Variants in SIK3 observed in about 807,000 individuals in gnomAD.
The protein encoded by SIK3 is serine/threonine-protein kinase SIK3.
SIK3 carries 28 observed loss-of-function variants against 144.2 expected under a neutral mutation model. The observed-to-expected ratio is 0.19, with a 90% CI of 0.14 to 0.27. The LOEUF (loss-of-function observed/expected upper bound fraction) is 0.27, where lower values mean the gene tolerates loss of function less well. Ranked by LOEUF, SIK3 falls within the 10% of genes least tolerant of loss-of-function variation. SIK3 has a pLI of 1.00. For synonymous variants in SIK3, 686 were observed against 676.3 expected, an observed-to-expected ratio of 1.01 and a Z score of -0.22; for missense variants, 1,319 against 1,776.0, an observed-to-expected ratio of 0.74 and a Z score of 4.62.
intron 4 of SIK3, among the ~76,000 whole-genome samples, chr11:116,906,273 G>C (rs1014221373): frequency 6.6e-6 from 1 of 152,166 alleles, no homozygotes; most frequent in Non-Finnish European, 1.5e-5. Context: ...GAAAAAGAAG[G>C]AGAAGTAGAG....
At chr11:117,093,913 C>A (rs1955358503) in intron 1 of SIK3, among the ~76,000 whole-genome samples, 1 of 151,968 alleles carries the variant, frequency 6.6e-6, no homozygotes, top group South Asian at 2.1e-4. Context: ...AAAAGGAGGA[C>A]TATTATTATG....
rs78587574 is a variant in SIK3 at position 116,887,961 on chromosome 11, C to G, written c.865+8292G>C. Among the ~76,000 whole-genome samples, 517 of 152,268 alleles carry G rather than the reference C, an allele frequency of 3.4e-3. 2 individuals carry two copies. Among genetic ancestry groups the G allele is most frequent in the Non-Finnish European group, 4.7e-3 (319 of 68,022 alleles). On this transcript the variant is annotated intron_variant, in intron 6 of 24. Transcript: ENST00000445177. ...GGAAACTTGTGTCAAACAAACAACACCAGGCATAGAAATATACATGAATTG... is the reference window on the plus strand; with the variant it reads ...GGAAACTTGTGTCAAACAAACAACAGCAGGCATAGAAATATACATGAATTG...
chr11:116,928,210 C>G (rs1187611620), intron 3 of SIK3, among the ~76,000 whole-genome samples: 1 of 152,200 alleles, frequency 6.6e-6, no homozygotes, highest in Non-Finnish European at 1.5e-5. Context: ...TCTTTAAGAA[C>G]TTTCTAATAA....
intron 1 of SIK3, among the ~76,000 whole-genome samples, chr11:117,013,488 T>TA (rs1020339726): frequency 5.9e-5 from 9 of 152,048 alleles, no homozygotes; most frequent in Admixed American, 4.6e-4. Context: ...CAAAAAAACA[T>TA]AAAAAAACTT....
At chr11:116,957,604 T>G (rs682048) in intron 1 of SIK3, among the ~76,000 whole-genome samples, 57,406 of 151,884 alleles carry the variant, frequency 0.38, 13,384 homozygotes, top group African/African-American at 0.67. Flanking sequence ...AGTAGCAGCA[T>G]CTACCATATA....
intron 21 of SIK3, among the ~76,000 whole-genome samples, chr11:116,855,910 G>A (rs901834301): frequency 2.0e-5 from 3 of 152,204 alleles, no homozygotes; most frequent in Non-Finnish European, 4.4e-5. Context: ...TGGCACATGT[G>A]AGCTCAGCCG....
At chr11:117,070,977 C>A (rs1954251537) in intron 1 of SIK3, among the ~76,000 whole-genome samples, 1 of 152,018 alleles carries the variant, frequency 6.6e-6, no homozygotes, top group Admixed American at 6.6e-5. Flanking sequence ...GATCCACCCA[C>A]GTCGGCCTCC....
intron 4 of SIK3, among the ~76,000 whole-genome samples, chr11:116,926,841 C>T (rs1349190353): frequency 1.3e-5 from 2 of 151,990 alleles, no homozygotes; most frequent in Non-Finnish European, 2.9e-5. Flanking sequence ...CCCAACATGG[C>T]AAAACCCCAA....
intron 6 of SIK3, among the ~76,000 whole-genome samples, chr11:116,884,411 G>A (rs143782638): frequency 1.3e-4 from 19 of 149,154 alleles, no homozygotes; most frequent in Non-Finnish European, 2.2e-4. Context: ...GTAGCAGTGC[G>A]ATCTCGGCTC....
intron 1 of SIK3, among the ~76,000 whole-genome samples, chr11:117,002,717 T>C (rs1051230818): frequency 1.3e-5 from 2 of 152,224 alleles, no homozygotes. Flanking sequence ...GAATTTTTAA[T>C]ATAATAAAAT....
intron 6 of SIK3, among the ~76,000 whole-genome samples, chr11:116,894,157 C>T (rs1208571505): frequency 2.0e-5 from 3 of 152,148 alleles, no homozygotes; most frequent in Non-Finnish European, 2.9e-5. Flanking sequence ...GGACAGCAGG[C>T]CCTCTGGCTT....
chr11:116,923,646 G>A (rs978166513), intron 4 of SIK3, among the ~76,000 whole-genome samples: 4 of 152,204 alleles, frequency 2.6e-5, no homozygotes, highest in African/African-American at 4.8e-5. Context: ...GTAGCAGGCC[G>A]CAAAACTAGA....
At chr11:116,995,866 C>A (rs943044722) in intron 1 of SIK3, among the ~76,000 whole-genome samples, 2 of 152,114 alleles carry the variant, frequency 1.3e-5, no homozygotes, top group Non-Finnish European at 2.9e-5. Flanking sequence ...AAATAAGGAA[C>A]AAGTCAGGTG....
In SIK3 at chr11:116,846,927, C is replaced by T. The variant is rs575350013; in HGVS notation, c.3953-374G>A. Among the ~76,000 whole-genome samples, 4 of 152,204 alleles carry T rather than the reference C, an allele frequency of 2.6e-5. No homozygotes were observed. The highest frequency in any genetic ancestry group is 5.9e-5 in the Non-Finnish European group (4 of 68,026). On this transcript the variant is annotated intron_variant, in intron 23 of 24. Coordinates refer to ENST00000445177, the MANE Select transcript of SIK3 (RefSeq NM_001366686.3). The surrounding 1 kb of genome is among the most constrained non-coding windows in gnomAD (Gnocchi z 4.1). ...CCCATTCCTGGGCACTGTCTGTCTT[C>T]CAGACACTGTGCTAAGCACTTGATA... is the stretch of plus-strand genomic sequence containing the variant.
chr11:116,998,601 G>A (rs1228040947), intron 1 of SIK3, among the ~76,000 whole-genome samples: 1 of 152,036 alleles, frequency 6.6e-6, no homozygotes, highest in Non-Finnish European at 1.5e-5. Context: ...TATCATGAGA[G>A]TCAGGGACTT....
At chr11:117,020,985 G>A (rs915567234) in intron 1 of SIK3, among the ~76,000 whole-genome samples, 4 of 152,204 alleles carry the variant, frequency 2.6e-5, no homozygotes, top group Non-Finnish European at 4.4e-5. Flanking sequence ...GTGGGACTGA[G>A]CCCTCAATCT....
chr11:116,844,584 A>ATATATATATATTTTATATATATAT lies in SIK3; in HGVS notation c.*1035_*1058dup, dbSNP rs1454921703. The ATATATATATATTTTATATATATAT allele has an allele frequency of 6.6e-5, 8 of 120,474 alleles. No homozygotes were observed. The East Asian group carries it at 1.4e-3, about 22-fold the overall frequency. The allele number at this position is 120,474 out of a possible 1,614,324, so 7.5% of individuals were successfully genotyped here. A position where few individuals can be genotyped will look rare whatever the true frequency, so the allele number is the denominator to read the frequency against. On this transcript the variant is annotated 3_prime_UTR_variant, in exon 25 of 25. Coordinates refer to ENST00000445177, the MANE Select transcript of SIK3 (RefSeq NM_001366686.3). Reference sequence around the variant, plus strand: ...CAAAGAGGCTGAAAGAGGAGAGCATATATATATATATTTTATATATATATT... The same window carrying ATATATATATATTTTATATATATAT: ...CAAAGAGGCTGAAAGAGGAGAGCATATATATATATATTTTATATATATATTATATATATATTTTATATATATATT...
Position 116,970,641 on chromosome 11 carries a change from C to T in SIK3, c.274-13577G>A, listed in dbSNP as rs181150637. Among the ~76,000 whole-genome samples the T allele has an allele frequency of 1.9e-3, 287 of 152,152 alleles. 2 individuals carry two copies. Among genetic ancestry groups the T allele is most frequent in the African/African-American group, 6.4e-3 (267 of 41,522 alleles). On this transcript the variant is annotated intron_variant, in intron 1 of 24. Coordinates refer to ENST00000445177, the MANE Select transcript of SIK3 (RefSeq NM_001366686.3). ...CTAGGATAACAGGCATGAGCCACCA[C>T]GCCCGGCTGTATTTGTTATTTCTTT...
At chr11:116,895,277 C>T (rs10892043) in intron 6 of SIK3, among the ~76,000 whole-genome samples, 5 of 152,152 alleles carry the variant, frequency 3.3e-5, no homozygotes, top group Non-Finnish European at 5.9e-5. Flanking sequence ...TGCTCTTCCC[C>T]GGACTGCACA....
Sources: allele counts gnomAD v4.1 joint callset (sites outside exome capture counted in the v4.1 genomes callset), GRCh38; gene constraint gnomAD v4.1.1; non-coding constraint Gnocchi (gnomAD v3.1); transcripts MANE v1.5; gene names NCBI Gene and HGNC (gene_info 2026-07-23, HGNC 2026-07-21).